Variants in USP5 observed in about 807,000 individuals in gnomAD.
USP5 encodes the protein ubiquitin carboxyl-terminal hydrolase 5.
A neutral mutation model predicts 102.5 loss-of-function variants in USP5; 24 were observed. The ratio of observed to expected loss-of-function variants is 0.23; its 90% confidence interval spans 0.17 to 0.33. The LOEUF (loss-of-function observed/expected upper bound fraction) is 0.33, where lower values mean the gene tolerates loss of function less well. Among genes scored for constraint, USP5 ranks in the 10% least tolerant of loss-of-function variants. The probability of loss-of-function intolerance (pLI) is 1.00; values close to 1 mark genes in which losing one functional copy is unlikely to be tolerated. For missense variants in USP5, 753 were observed against 1,122.1 expected, an observed-to-expected ratio of 0.67 and a Z score of 4.70; for synonymous variants, 460 against 434.8, an observed-to-expected ratio of 1.06 and a Z score of -0.72.
chr12:6,859,756 G>A (rs782014206), intron 9 of USP5, among the ~76,000 whole-genome samples: 1 of 152,174 alleles, frequency 6.6e-6, no homozygotes, highest in Non-Finnish European at 1.5e-5. Context: ...GGGTTCAAGT[G>A]ATTCTCCTGC....
chr12:6,859,941 C>T (rs1944229174), intron 9 of USP5, among the ~76,000 whole-genome samples: 1 of 152,298 alleles, frequency 6.6e-6, no homozygotes, highest in African/African-American at 2.4e-5. Context: ...AGGCGTGAGC[C>T]ACCGTGCACG....
In USP5 at chr12:6,863,401, GTC is replaced by G. The variant is rs1555130002; in HGVS notation, c.1954+31_1954+32del. On this transcript the variant is annotated intron_variant, in intron 15 of 19. Coordinates refer to ENST00000229268, the MANE Select transcript of USP5 (RefSeq NM_001098536.2). This position sits in a 1 kb window ranked among gnomAD's most constrained non-coding sequence, Gnocchi z 4.7. ...ATGTTAGTGACTCTTCTTCCTGCCTGTCTCTCTCCCGTGCTGATGGGGGCCTC... is the reference window on the plus strand; with the variant it reads ...ATGTTAGTGACTCTTCTTCCTGCCTGTCTCTCCCGTGCTGATGGGGGCCTC... The G allele has an allele frequency of 6.2e-7, 1 of 1,606,598 alleles. No homozygotes were observed. The highest frequency in any genetic ancestry group is 8.5e-7 in the Non-Finnish European group (1 of 1,175,340).
At chr12:6,859,333 C>T (rs555006477) in intron 8 of USP5, 137 bp from the exon 9 acceptor site, 18 of 788,696 alleles carry the variant, frequency 2.3e-5, no homozygotes, top group African/African-American at 3.4e-5. Context: ...TGGAGAGAAG[C>T]GACTCCAAGG....
rs1555130086 is a variant in USP5 at position 6,863,822 on chromosome 12, C to A, written c.1955-8C>A. The A allele has an allele frequency of 1.3e-6, 2 of 1,566,832 alleles. No homozygotes were observed. Among genetic ancestry groups the A allele is most frequent in the African/African-American group, 1.4e-5 (1 of 73,754 alleles). On this transcript the variant is annotated splice_region_variant and splice_polypyrimidine_tract_variant and intron_variant, in intron 15 of 19. Coordinates refer to ENST00000229268, the MANE Select transcript of USP5 (RefSeq NM_001098536.2). The surrounding 1 kb of genome is among the most constrained non-coding windows in gnomAD (Gnocchi z 4.7). ...AGTCGGTCCGTGTACCCACAATTCC[C>A]ATTACAGCGCCCATGCTGGATGAAT...
rs961223420 is a variant in USP5 at position 6,863,045 on chromosome 12, T to C, written c.1763-141T>C. 4.6e-5 allele frequency: 35 copies of C among 760,894 alleles called. No individual in the cohort carries two copies. In the African/African-American group the frequency reaches 6.0e-4, roughly 13 times the overall value. The allele number at this position is 760,894 out of a possible 1,614,324, so 47.1% of individuals were successfully genotyped here. A position where few individuals can be genotyped will look rare whatever the true frequency, so the allele number is the denominator to read the frequency against. ...AGGCTTAGTATTATTTGTCTTATAC[T>C]GGGACCCCTAAGATGGGTGCCGTGC... On this transcript the variant is annotated intron_variant, in intron 14 of 19. Transcript: ENST00000229268. The surrounding 1 kb of genome is among the most constrained non-coding windows in gnomAD (Gnocchi z 4.7).
rs1238144582 is a variant in USP5, at chr12:6,860,247, A to G, written c.1218+9A>G. The G allele has an allele frequency of 6.2e-7, 1 of 1,611,664 alleles. No individual in the cohort carries two copies. The highest frequency in any genetic ancestry group is 1.3e-5 in the African/African-American group (1 of 74,792). On this transcript the variant is annotated intron_variant, in intron 10 of 19. Transcript: ENST00000229268. This position sits in a 1 kb window ranked among gnomAD's most constrained non-coding sequence, Gnocchi z 5.5. ...GGGTGCCAGAACAGAAGGTGCGTCTAGGACCCTGTCCCTTTCAGGCCCTGG... is the reference window on the plus strand; with the variant it reads ...GGGTGCCAGAACAGAAGGTGCGTCTGGGACCCTGTCCCTTTCAGGCCCTGG...
chr12:6,858,777 G>A lies in USP5; in HGVS notation c.1058+160G>A, dbSNP rs934675800. 5.8e-5 allele frequency: 36 copies of A among 623,802 alleles called. No individual in the cohort carries two copies. Among genetic ancestry groups the A allele is most frequent in the Admixed American group, 3.9e-4 (13 of 33,480 alleles). 38.6% of individuals were successfully genotyped at this position (623,802 alleles called of 1,614,324 possible). ...CCCACACCCGTAATCCCAGTACTTC[G>A]GGAGGCCAAGATGGGAGAATTGCTT... On this transcript the variant is annotated intron_variant, in intron 8 of 19. Transcript: ENST00000229268. The surrounding 1 kb of genome is among the most constrained non-coding windows in gnomAD (Gnocchi z 4.2).
Position 6,860,185 on chromosome 12 carries a change from T to A in USP5, c.1165T>A (p.Tyr389Asn), listed in dbSNP as rs1555129212. ...GGGCCATGGCCTTCTCTCCGGGGAG[T>A]ATTCCAAGCCAGTACCGGAGTCGGG... ...KLGHGLLSGEYSKPVPESGDG... is the reference protein window; with the variant it reads ...KLGHGLLSGENSKPVPESGDG... Residue 389 changes from tyrosine to asparagine, a missense_variant, in exon 10 of 20, where the codon TAT becomes AAT. Transcript: ENST00000229268. This position sits in a 1 kb window ranked among gnomAD's most constrained non-coding sequence, Gnocchi z 5.5. 1 of 1,606,656 alleles carries A rather than the reference T, an allele frequency of 6.2e-7. No homozygotes were observed. The highest frequency in any genetic ancestry group is 8.5e-7 in the Non-Finnish European group (1 of 1,178,014).
rs931373438 is a variant in USP5, at chr12:6,860,793, G to T, written c.1345-160G>T. Among the ~76,000 whole-genome samples the T allele has an allele frequency of 1.3e-5, 2 of 152,186 alleles. No homozygotes were observed. The highest frequency in any genetic ancestry group is 2.9e-5 in the Non-Finnish European group (2 of 68,020). ...TCAGTGCAGGGATGGGGCCAGAAAT[G>T]GGGAGGGGTTGGTGAATTAGGGAAG... On this transcript the variant is annotated intron_variant, in intron 11 of 19. Coordinates refer to ENST00000229268, the MANE Select transcript of USP5 (RefSeq NM_001098536.2). The surrounding 1 kb of genome is among the most constrained non-coding windows in gnomAD (Gnocchi z 5.5).
At chr12:6,865,607 C>T (rs1428407526) in intron 19 of USP5, among the ~76,000 whole-genome samples, 1 of 152,202 alleles carries the variant, frequency 6.6e-6, no homozygotes, top group Non-Finnish European at 1.5e-5. Context: ...AACCTGGACA[C>T]ACTTGTTTAT....
At position 6,861,006 on chromosome 12, in the gene USP5, G is replaced by A. The variant is rs537934479; in HGVS notation, c.1398G>A (p.Glu466=). ...ATGAAGTGTTCCGCTTCTTGGTGGA[G>A]GAAAAGATCAAGTGCCTGGCCACAG... ...NPNEVFRFLV[E]EKIKCLATEK... Residue 466 remains glutamate, a synonymous_variant, in exon 12 of 20, where the codon GAG becomes GAA. Transcript: ENST00000229268. This position sits in a 1 kb window ranked among gnomAD's most constrained non-coding sequence, Gnocchi z 4.9. 117 of 1,614,226 alleles carry A rather than the reference G, an allele frequency of 7.2e-5. 3 individuals carry two copies. In the South Asian group the frequency reaches 1.2e-3, roughly 16 times the overall value.
At position 6,863,517 on chromosome 12, in the gene USP5, TC is replaced by T; in HGVS notation, c.1954+144del. 1 of 1,105,844 alleles carries T rather than the reference TC, an allele frequency of 9.0e-7. No individual in the cohort carries two copies. The highest frequency in any genetic ancestry group is 1.3e-6 in the Non-Finnish European group (1 of 777,920). The allele number at this position is 1,105,844 out of a possible 1,614,324, so 68.5% of individuals were successfully genotyped here. On this transcript the variant is annotated intron_variant, in intron 15 of 19. Coordinates refer to ENST00000229268, the MANE Select transcript of USP5 (RefSeq NM_001098536.2). The surrounding 1 kb of genome is among the most constrained non-coding windows in gnomAD (Gnocchi z 4.7). The stretch of plus-strand genomic sequence containing the variant: ...TGCCCTCTTTGATTGACATGGGGCC[TC>T]CCCAGCGCACTCCTAGCCACCTTCT...
rs781850878 is a variant in USP5 at position 6,856,723 on chromosome 12, A to G, written c.601A>G (p.Lys201Glu). 1 of 1,613,888 alleles carries G rather than the reference A, an allele frequency of 6.2e-7. No homozygotes were observed. The highest frequency in any genetic ancestry group is 1.3e-5 in the African/African-American group (1 of 74,894). Reference sequence around the variant, plus strand: ...GTGGGTTAGTGGCTGGAAGTGCTCCAAGTGTGACATGAGAGAGAACCTGTG... The same window carrying G: ...GTGGGTTAGTGGCTGGAAGTGCTCCGAGTGTGACATGAGAGAGAACCTGTG... ...RIPPCGWKCS[K>E]CDMRENLWLN... Residue 201 changes from lysine (K) to glutamate (E), a missense_variant, in exon 6 of 20, where the codon AAG (lysine) becomes GAG (glutamate). Physicochemically the swap from Lys to Glu is moderately conservative, Grantham distance 56 (BLOSUM62 1). Around this residue, in one of 3 missense-constraint regions of USP5, gnomAD observed 527 missense variants for 816.5 expected, o/e 0.65. Coordinates refer to ENST00000229268, the MANE Select transcript of USP5 (RefSeq NM_001098536.2). This position sits in a 1 kb window ranked among gnomAD's most constrained non-coding sequence, Gnocchi z 5.6.
In USP5 at chr12:6,858,726, T is replaced by C; in HGVS notation, c.1058+109T>C. 9.4e-7 allele frequency: 1 copy of C among 1,066,854 alleles called. No individual in the cohort carries two copies. The highest frequency in any genetic ancestry group is 1.3e-6 in the Non-Finnish European group (1 of 748,218). The allele number at this position is 1,066,854 out of a possible 1,614,324, so 66.1% of individuals were successfully genotyped here. A position where few individuals can be genotyped will look rare whatever the true frequency, so the allele number is the denominator to read the frequency against. The stretch of plus-strand genomic sequence containing the variant: ...TCTGTGTTTGATTCTAGTCTTAGAG[T>C]AGTTCCTATCGGCTGGGTGTGTTGG... On this transcript the variant is annotated intron_variant, in intron 8 of 19. Transcript: ENST00000229268. The surrounding 1 kb of genome is among the most constrained non-coding windows in gnomAD (Gnocchi z 4.2).
rs782082104 is a variant in USP5, at chr12:6,861,045, C to T, written c.1437C>T (p.Tyr479=). The change falls in exon 12 of 20, where the codon TAC becomes TAT. Residue 479 remains tyrosine, a synonymous_variant. Coordinates refer to ENST00000229268, the MANE Select transcript of USP5 (RefSeq NM_001098536.2). This position sits in a 1 kb window ranked among gnomAD's most constrained non-coding sequence, Gnocchi z 4.9. ...IKCLATEKVK[Y]TQRVDYIMQL... ...GCCTGGCCACAGAGAAGGTGAAGTA[C>T]ACCCAGCGAGTTGACTACATCATGC... 4.3e-6 allele frequency: 7 copies of T among 1,614,240 alleles called. No homozygotes were observed. Among genetic ancestry groups the T allele is most frequent in the Non-Finnish European group, 5.1e-6 (6 of 1,180,050 alleles).
At position 6,858,667 on chromosome 12, in the gene USP5, T is replaced by C; in HGVS notation, c.1058+50T>C. The C allele has an allele frequency of 6.6e-7, 1 of 1,525,162 alleles. No individual in the cohort carries two copies. The highest frequency in any genetic ancestry group is 9.0e-7 in the Non-Finnish European group (1 of 1,113,052). The allele number at this position is 1,525,162 out of a possible 1,614,324, so 94.5% of individuals were successfully genotyped here. On this transcript the variant is annotated intron_variant, in intron 8 of 19. Coordinates refer to ENST00000229268, the MANE Select transcript of USP5 (RefSeq NM_001098536.2). The surrounding 1 kb of genome is among the most constrained non-coding windows in gnomAD (Gnocchi z 4.2). ...AGGCCCCCTCCTGGTCAGCACCCTC[T>C]GGGCATACTCCTCCTTCAGCTTCCC...
chr12:6,860,349 G>C lies in USP5; in HGVS notation c.1219-17G>C, dbSNP rs1555129257. ...GCCACTGAGCCCCAGCTGAGTCCCT[G>C]CCCTGACTCTTCCCAGGAAGTTCAA... On this transcript the variant is annotated splice_polypyrimidine_tract_variant and intron_variant, in intron 10 of 19. Transcript: ENST00000229268. This position sits in a 1 kb window ranked among gnomAD's most constrained non-coding sequence, Gnocchi z 5.5. 9 of 1,614,150 alleles carry C rather than the reference G, an allele frequency of 5.6e-6. No individual in the cohort carries two copies. Among genetic ancestry groups the C allele is most frequent in the Non-Finnish European group, 7.6e-6 (9 of 1,180,012 alleles).
Position 6,866,019 on chromosome 12 carries a change from C to T in USP5, c.2519C>T (p.Ser840Phe). 1 of 1,614,146 alleles carries T rather than the reference C, an allele frequency of 6.2e-7. No individual in the cohort carries two copies. Reference protein sequence around the residue: ...VIYNDQKVCASEKPPKDLGYI... With the variant: ...VIYNDQKVCAFEKPPKDLGYI... ...TACAATGACCAGAAAGTGTGTGCCT[C>T]CGAGAAGCCGCCCAAGGACCTGGGC... The change falls in exon 20 of 20, where the codon TCC (serine) becomes TTC (phenylalanine). Residue 840 changes from serine (S) to phenylalanine (F), a missense_variant. Coordinates refer to ENST00000229268, the MANE Select transcript of USP5 (RefSeq NM_001098536.2). The surrounding 1 kb of genome is among the most constrained non-coding windows in gnomAD (Gnocchi z 4.7).
At chr12:6,852,423 C>A in intron 1 of USP5, 133 bp downstream of exon 1, 1 of 942,106 alleles carries the variant, frequency 1.1e-6, no homozygotes, top group Non-Finnish European at 1.6e-6. Flanking sequence ...CCACGCTCCA[C>A]TCTGCCGTTG....
Sources: allele counts gnomAD v4.1 joint callset (sites outside exome capture counted in the v4.1 genomes callset), GRCh38; gene constraint gnomAD v4.1.1; regional missense constraint gnomAD v4.1.1; non-coding constraint Gnocchi (gnomAD v3.1); transcripts MANE v1.5; gene names NCBI Gene and HGNC (gene_info 2026-07-23, HGNC 2026-07-21).